The following CCDC175 variants were observed in gnomAD, a reference collection of about 807,000 sequenced individuals.
CCDC175 encodes the protein coiled-coil domain-containing protein 175.
Under a neutral mutation model 114.6 loss-of-function variants are expected in CCDC175, and 100 were observed. That is an observed-to-expected ratio of 0.87 (90% CI 0.74 to 1.03). CCDC175 has a LOEUF of 1.03. CCDC175 is among the 50% of genes least tolerant of loss of function. The probability of loss-of-function intolerance (pLI) is 0.00; values close to 1 mark genes in which losing one functional copy is unlikely to be tolerated. For synonymous variants in CCDC175, 306 were observed against 308.7 expected, an observed-to-expected ratio of 0.99 and a Z score of 0.09; for missense variants, 880 against 917.8, an observed-to-expected ratio of 0.96 and a Z score of 0.53.
At chr14:59,540,189 T>C (rs189352275) in intron 11 of CCDC175, among the ~76,000 whole-genome samples, 62 of 152,362 alleles carry the variant, frequency 4.1e-4, no homozygotes, top group Non-Finnish European at 3.1e-4. Context: ...TCATCTCATT[T>C]ACATTCACAG....
At chr14:59,534,019 T>A (rs1167860832) in intron 13 of CCDC175, among the ~76,000 whole-genome samples, 4 of 149,928 alleles carry the variant, frequency 2.7e-5, no homozygotes, top group Non-Finnish European at 5.9e-5. Context: ...AACGCAATCC[T>A]GTATTATCCA....
chr14:59,511,689 CTT>C (rs1338505010), intron 18 of CCDC175, 69 bp downstream of exon 18: 7 of 1,278,002 alleles, frequency 5.5e-6, no homozygotes, highest in Non-Finnish European at 7.7e-6. Flanking sequence ...AGCACACACA[CTT>C]ATTAGGTAGG....
chr14:59,573,542 A>G (rs1396980560), intron 2 of CCDC175, among the ~76,000 whole-genome samples: 5 of 151,458 alleles, frequency 3.3e-5, no homozygotes, highest in Non-Finnish European at 5.9e-5. Flanking sequence ...TTGCTTATCT[A>G]TTTTTTCTTA....
rs34112354 is a variant in CCDC175 at position 59,540,648 on chromosome 14, CTTTTTTTTTT to C, written c.1355+17_1355+26del. On this transcript the variant is annotated intron_variant, in intron 11 of 19. Coordinates refer to ENST00000537690, the MANE Select transcript of CCDC175 (RefSeq NM_001164399.2). ...GCTGATAACACAAAACACAAATAAACTTTTTTTTTTTTTTTTTTTTTTTTACCATCTCTGA... is the reference window on the plus strand; with the variant it reads ...GCTGATAACACAAAACACAAATAAACTTTTTTTTTTTTTTACCATCTCTGA... The C allele has an allele frequency of 6.4e-6, 7 of 1,100,380 alleles. No homozygotes were observed. The highest frequency in any genetic ancestry group is 3.3e-5 in the South Asian group (2 of 60,290). 68.2% of individuals were successfully genotyped at this position (1,100,380 alleles called of 1,614,324 possible).
chr14:59,573,982 A>C (rs1896972716), intron 2 of CCDC175, among the ~76,000 whole-genome samples: 4 of 152,282 alleles, frequency 2.6e-5, no homozygotes, highest in African/African-American at 9.6e-5. Flanking sequence ...TACTTTAACC[A>C]CAATAAATAT....
At chr14:59,547,659 A>C (rs1895195958) in intron 8 of CCDC175, among the ~76,000 whole-genome samples, 1 of 152,174 alleles carries the variant, frequency 6.6e-6, no homozygotes, top group Non-Finnish European at 1.5e-5. Context: ...AAAAATATGA[A>C]TCTTGACCAC....
intron 10 of CCDC175, among the ~76,000 whole-genome samples, chr14:59,541,713 AG>A (rs1894800677): frequency 6.6e-6 from 1 of 152,198 alleles, no homozygotes; most frequent in Non-Finnish European, 1.5e-5. Flanking sequence ...AACTTGAACC[AG>A]TTTAAAATAA....
chr14:59,506,634 A>G (rs1366238491), intron 19 of CCDC175, among the ~76,000 whole-genome samples: 2 of 152,184 alleles, frequency 1.3e-5, no homozygotes, highest in Non-Finnish European at 2.9e-5. Flanking sequence ...AATGTTTGAG[A>G]ACCACTGATC....
intron 19 of CCDC175, among the ~76,000 whole-genome samples, chr14:59,508,884 G>A (rs1301718149): frequency 3.3e-5 from 5 of 152,050 alleles, no homozygotes; most frequent in East Asian, 3.9e-4. Context: ...AAATAAATTC[G>A]TGTTATTTAT....
intron 7 of CCDC175, among the ~76,000 whole-genome samples, chr14:59,556,537 G>A (rs918217771): frequency 1.4e-4 from 21 of 152,142 alleles, no homozygotes; most frequent in Non-Finnish European, 2.8e-4. Flanking sequence ...ATACCATTCA[G>A]GACATAGGCA....
At chr14:59,548,078 A>G (rs1895225564) in intron 8 of CCDC175, among the ~76,000 whole-genome samples, 2 of 152,192 alleles carry the variant, frequency 1.3e-5, no homozygotes, top group Non-Finnish European at 2.9e-5. Flanking sequence ...ATGAATGGAT[A>G]AAGAAAATGT....
Position 59,543,329 on chromosome 14 carries a change from A to C in CCDC175, c.1283+15T>G. 1 of 964,084 alleles carries C rather than the reference A, an allele frequency of 1.0e-6. No individual in the cohort carries two copies. Among genetic ancestry groups the C allele is most frequent in the South Asian group, 1.9e-5 (1 of 51,506 alleles). The allele number at this position is 964,084 out of a possible 1,614,324, so 59.7% of individuals were successfully genotyped here. A position where few individuals can be genotyped will look rare whatever the true frequency, so the allele number is the denominator to read the frequency against. On this transcript the variant is annotated intron_variant, in intron 10 of 19. Coordinates refer to ENST00000537690, the MANE Select transcript of CCDC175 (RefSeq NM_001164399.2). Reference sequence around the variant, plus strand: ...AGAAAGTAAAGATAAAAAATTTCAAAGGCAACAAACATACTGTTGAAGTTC... The same window carrying C: ...AGAAAGTAAAGATAAAAAATTTCAACGGCAACAAACATACTGTTGAAGTTC...
intron 19 of CCDC175, 119 bp downstream of exon 19, chr14:59,510,527 G>T: frequency 1.1e-6 from 1 of 939,066 alleles, no homozygotes; most frequent in Non-Finnish European, 1.7e-6. Context: ...AATGTTTGTG[G>T]CATAATTGGG....
At chr14:59,510,951 G>T in intron 18 of CCDC175, 143 bp from the exon 19 acceptor site, 1 of 677,796 alleles carries the variant, frequency 1.5e-6, no homozygotes, top group Non-Finnish European at 2.4e-6. Flanking sequence ...TGTGTACACA[G>T]CCAATTCACA....
chr14:59,509,333 A>G (rs111956858), intron 19 of CCDC175, among the ~76,000 whole-genome samples: 20 of 152,280 alleles, frequency 1.3e-4, no homozygotes, highest in Admixed American at 3.9e-4. Flanking sequence ...TTCGTACATC[A>G]TAAGTATCAC....
intron 7 of CCDC175, among the ~76,000 whole-genome samples, chr14:59,557,044 G>A (rs1895941994): frequency 6.6e-6 from 1 of 152,198 alleles, no homozygotes; most frequent in African/African-American, 2.4e-5. Context: ...CAACGATTGT[G>A]GAAGACAGTG....
chr14:59,515,204 G>A (rs1369230739), intron 17 of CCDC175, among the ~76,000 whole-genome samples: 1 of 152,168 alleles, frequency 6.6e-6, no homozygotes, highest in African/African-American at 2.4e-5. Context: ...ACCAGCCACT[G>A]AAAAAGCATG....
At chr14:59,531,454 T>A (rs949837405) in intron 14 of CCDC175, among the ~76,000 whole-genome samples, 3 of 152,060 alleles carry the variant, frequency 2.0e-5, no homozygotes, top group Non-Finnish European at 4.4e-5. Flanking sequence ...ACAAAAAAAA[T>A]TCCACATGGT....
chr14:59,544,610 C>T (rs1180527870), intron 9 of CCDC175, among the ~76,000 whole-genome samples: 2 of 152,112 alleles, frequency 1.3e-5, no homozygotes, highest in Non-Finnish European at 2.9e-5. Flanking sequence ...TTTTTACTCT[C>T]TAAGCTATAC....
Sources: allele counts gnomAD v4.1 joint callset (sites outside exome capture counted in the v4.1 genomes callset), GRCh38; gene constraint gnomAD v4.1.1; transcripts MANE v1.5; gene names NCBI Gene and HGNC (gene_info 2026-07-23, HGNC 2026-07-21).